Variants in MMP16 observed in about 807,000 individuals in gnomAD.
MMP16 encodes the protein matrix metallopeptidase 16.
Under a neutral mutation model 67.8 loss-of-function variants are expected in MMP16, and 12 were observed. The observed-to-expected ratio is 0.18, with a 90% CI of 0.11 to 0.29. The LOEUF (loss-of-function observed/expected upper bound fraction) is 0.29. Among genes scored for constraint, MMP16 ranks in the 10% least tolerant of loss-of-function variants. The probability of loss-of-function intolerance (pLI) is 1.00; values close to 1 mark genes in which losing one functional copy is unlikely to be tolerated. For missense variants in MMP16, 475 were observed against 765.7 expected (o/e 0.62, Z 4.48); for synonymous variants, 249 against 255.9 (o/e 0.97, Z 0.26).
At chr8:88,055,684 G>A (rs1808323311) in intron 8 of MMP16, among the ~76,000 whole-genome samples, 1 of 152,150 alleles carries the variant, frequency 6.6e-6, no homozygotes, top group Non-Finnish European at 1.5e-5. Flanking sequence ...TAGAATCTGT[G>A]ACTAAACTGA....
At chr8:88,085,070 A>AAT (rs34585042) in intron 6 of MMP16, among the ~76,000 whole-genome samples, 152,019 of 152,124 alleles carry the variant, frequency 1, 75,957 homozygotes, top group Non-Finnish European at 1. Context: ...ATACCATGCA[A>AAT]ACATTATAAA....
chr8:88,187,395 T>C (rs1359886643), intron 2 of MMP16, among the ~76,000 whole-genome samples: 2 of 152,188 alleles, frequency 1.3e-5, no homozygotes, highest in Non-Finnish European at 2.9e-5. Flanking sequence ...GCATCTTATC[T>C]AAGTAGAAAG....
At chr8:88,263,335 C>T (rs777421926) in intron 1 of MMP16, among the ~76,000 whole-genome samples, 8 of 152,082 alleles carry the variant, frequency 5.3e-5, no homozygotes, top group Non-Finnish European at 8.8e-5. Flanking sequence ...AAATGTATCA[C>T]AGTATATATA....
At chr8:88,146,177 T>C (rs535394572) in intron 4 of MMP16, among the ~76,000 whole-genome samples, 2 of 152,136 alleles carry the variant, frequency 1.3e-5, no homozygotes, top group East Asian at 3.9e-4. Flanking sequence ...ATGGGTAAAA[T>C]TCAGTTAAGA....
chr8:88,315,811 G>A (rs1045640272), intron 1 of MMP16, among the ~76,000 whole-genome samples: 1 of 152,172 alleles, frequency 6.6e-6, no homozygotes, highest in Non-Finnish European at 1.5e-5. Context: ...GCTTAGTGAG[G>A]AAAGCATGTT....
chr8:88,184,778 A>AAAAAAAAAAAAAAAAAAAG (rs1809046493), intron 3 of MMP16, among the ~76,000 whole-genome samples: 1 of 130,114 alleles, frequency 7.7e-6, no homozygotes. Flanking sequence ...AAAAAAAAAA[A>AAAAAAAAAAAAAAAAAAAG]GAAAAGAAAA....
At chr8:88,189,360 C>T (rs1006969089) in intron 2 of MMP16, among the ~76,000 whole-genome samples, 58 of 152,036 alleles carry the variant, frequency 3.8e-4, no homozygotes, top group African/African-American at 1.2e-3. Flanking sequence ...AAACTTGCAC[C>T]AATTTATCTG....
intron 1 of MMP16, among the ~76,000 whole-genome samples, chr8:88,324,504 A>T (rs1373507836): frequency 6.6e-6 from 1 of 152,174 alleles, no homozygotes; most frequent in Non-Finnish European, 1.5e-5. Context: ...TTGTCAGCAT[A>T]AAAAGCATCC....
rs1406390875 is a variant in MMP16 at position 88,039,722 on chromosome 8, T to TA, written c.*1738dup. ...GTGCATTCATTCTGACCATCTCTAA[T>TA]AAGTTCACAGCCCAGTGGCTGTAAA... On this transcript the variant is annotated 3_prime_UTR_variant, in exon 10 of 10. Coordinates refer to ENST00000286614, the MANE Select transcript of MMP16 (RefSeq NM_005941.5). The surrounding 1 kb of genome is among the most constrained non-coding windows in gnomAD (Gnocchi z 4.5). The TA allele has an allele frequency of 6.6e-6, 1 of 152,642 alleles. No individual in the cohort carries two copies. Among genetic ancestry groups the TA allele is most frequent in the East Asian group, 1.9e-4 (1 of 5,200 alleles). The allele number at this position is 152,642 out of a possible 1,614,324, so 9.5% of individuals were successfully genotyped here.
chr8:88,037,919 A>T lies in MMP16; in HGVS notation c.*3542T>A, dbSNP rs1808076311. On this transcript the variant is annotated 3_prime_UTR_variant, in exon 10 of 10. Transcript: ENST00000286614. ...AATGTGTTTTCATTTCAATTTGGGA[A>T]ATCCTATGTCTGAGCTTTTCATGTT... 6.6e-6 allele frequency: 1 copy of T among 151,908 alleles called. No individual in the cohort carries two copies. Among genetic ancestry groups the T allele is most frequent in the Non-Finnish European group, 1.5e-5 (1 of 67,876 alleles). The allele number at this position is 151,908 out of a possible 1,614,324, so 9.4% of individuals were successfully genotyped here. A position where few individuals can be genotyped will look rare whatever the true frequency, so the allele number is the denominator to read the frequency against.
intron 6 of MMP16, among the ~76,000 whole-genome samples, chr8:88,098,962 C>A (rs778345263): frequency 6.6e-6 from 1 of 151,466 alleles, no homozygotes; most frequent in Non-Finnish European, 1.5e-5. Flanking sequence ...GCCTAAACTG[C>A]CATAATTATA....
At chr8:88,149,114 AATCGGGTCACTCCCACC>A in intron 4 of MMP16, among the ~76,000 whole-genome samples, 1 of 152,310 alleles carries the variant, frequency 6.6e-6, no homozygotes, top group East Asian at 1.9e-4. Context: ...GCACCTGGAA[AATCGGGTCACTCCCACC>A]CGAATATTGC....
At chr8:88,080,264 G>A (rs1370146866) in intron 6 of MMP16, among the ~76,000 whole-genome samples, 1 of 152,080 alleles carries the variant, frequency 6.6e-6, no homozygotes, top group African/African-American at 2.4e-5. Flanking sequence ...ATATATATCT[G>A]AGATTGTTCA....
At chr8:88,138,167 A>G (rs1276768771) in intron 4 of MMP16, among the ~76,000 whole-genome samples, 1 of 151,872 alleles carries the variant, frequency 6.6e-6, no homozygotes, top group Non-Finnish European at 1.5e-5. Context: ...GTGCATACAT[A>G]TTGGGGAGAA....
At chr8:88,205,364 G>A (rs1169176576) in intron 1 of MMP16, among the ~76,000 whole-genome samples, 1 of 152,052 alleles carries the variant, frequency 6.6e-6, no homozygotes, top group Non-Finnish European at 1.5e-5. Context: ...AAAAAAATGA[G>A]AAGGCAGACT....
intron 7 of MMP16, among the ~76,000 whole-genome samples, chr8:88,059,374 AAGTGT>A (rs1808368641): frequency 1.3e-5 from 2 of 152,064 alleles, no homozygotes; most frequent in South Asian, 4.1e-4. Context: ...AAAAAGAAAA[AAGTGT>A]AGTCATAAAT....
At chr8:88,080,779 T>C (rs188437612) in intron 6 of MMP16, among the ~76,000 whole-genome samples, 4 of 152,194 alleles carry the variant, frequency 2.6e-5, no homozygotes, top group East Asian at 1.9e-4. Flanking sequence ...GTGGAGAGTG[T>C]CTGGGGAAAC....
At chr8:88,082,672 G>A (rs1808771464) in intron 6 of MMP16, among the ~76,000 whole-genome samples, 1 of 151,988 alleles carries the variant, frequency 6.6e-6, no homozygotes, top group Admixed American at 6.6e-5. Flanking sequence ...TAAACAGATA[G>A]CACAGAAACT....
chr8:88,083,055 T>G (rs558080522), intron 6 of MMP16, among the ~76,000 whole-genome samples: 1 of 152,008 alleles, frequency 6.6e-6, no homozygotes, highest in Non-Finnish European at 1.5e-5. Flanking sequence ...TCTGGTATTA[T>G]AAATTTAAAA....
Sources: gnomAD v4.1 joint callset for allele counts (sites outside exome capture counted in the v4.1 genomes callset) on GRCh38, gnomAD v4.1.1 for gene constraint, Gnocchi (gnomAD v3.1) non-coding constraint, MANE v1.5 for transcripts, NCBI Gene and HGNC (gene_info 2026-07-23, HGNC 2026-07-21) for gene names.